The following PBX1 variants were observed in gnomAD, a reference collection of about 807,000 sequenced individuals.
PBX1 encodes the protein PBX homeobox 1, also known as pre-B-cell leukemia transcription factor 1.
A neutral mutation model predicts 53.4 loss-of-function variants in PBX1; 6 were observed. That is an observed-to-expected ratio of 0.11 (90% CI 0.06 to 0.22). PBX1 has a LOEUF of 0.22. PBX1 is among the 10% of genes least tolerant of loss of function. The pLI, the probability that PBX1 is intolerant of heterozygous loss-of-function variation, is 1.00. For missense variants in PBX1, 251 were observed against 551.4 expected (o/e 0.46, Z 5.46); for synonymous variants, 204 against 212.3 (o/e 0.96, Z 0.34).
chr1:164,810,593 C>CCTTACCTTT (rs2102342638), intron 5 of PBX1, among the ~76,000 whole-genome samples: 1 of 152,230 alleles, frequency 6.6e-6, no homozygotes, highest in South Asian at 2.1e-4. Flanking sequence ...AAAAAAATCT[C>CCTTACCTTT]CTTACCTTTT....
intron 8 of PBX1, among the ~76,000 whole-genome samples, chr1:164,842,869 GA>G (rs35938098): frequency 2.6e-5 from 4 of 151,814 alleles, no homozygotes; most frequent in Admixed American, 2.6e-4. Context: ...CTGAGGTGCA[GA>G]AAAAAAATAA....
intron 2 of PBX1, among the ~76,000 whole-genome samples, chr1:164,622,011 C>T (rs1459969578): frequency 6.6e-6 from 1 of 152,150 alleles, no homozygotes; most frequent in Non-Finnish European, 1.5e-5. Context: ...AGGTGTCAGA[C>T]AAGCTAGAGG....
intron 2 of PBX1, among the ~76,000 whole-genome samples, chr1:164,751,191 T>C (rs140629306): frequency 0.013 from 1,936 of 151,800 alleles, 23 homozygotes; most frequent in Non-Finnish European, 0.018. Context: ...GGTGCATGCC[T>C]GTAATCCCAG....
At chr1:164,618,154 A>G (rs762450503) in intron 2 of PBX1, among the ~76,000 whole-genome samples, 7 of 152,172 alleles carry the variant, frequency 4.6e-5, no homozygotes, top group Non-Finnish European at 1.0e-4. Flanking sequence ...ATAAGGTGGC[A>G]TTGTCGTAAC....
At chr1:164,844,111 CTTTCTT>C (rs1201449887) in intron 8 of PBX1, among the ~76,000 whole-genome samples, 2 of 119,932 alleles carry the variant, frequency 1.7e-5, no homozygotes, top group African/African-American at 3.3e-5. Flanking sequence ...TTCTTTCTTT[CTTTCTT>C]TTTTTTTTTT....
chr1:164,884,062 C>A (rs1357918742), intron 2 of PBX1, among the ~76,000 whole-genome samples: 1 of 152,128 alleles, frequency 6.6e-6, no homozygotes, highest in Non-Finnish European at 1.5e-5. Context: ...TGCAACTAAC[C>A]AGCTGTGTAA....
intron 2 of PBX1, among the ~76,000 whole-genome samples, chr1:164,718,672 G>A (rs1233129790): frequency 6.6e-6 from 1 of 152,160 alleles, no homozygotes; most frequent in Non-Finnish European, 1.5e-5. Flanking sequence ...CTACCGCTTC[G>A]TAAAATCAGA....
chr1:164,600,804 T>C (rs1252494891), intron 2 of PBX1, among the ~76,000 whole-genome samples: 1 of 152,194 alleles, frequency 6.6e-6, no homozygotes, highest in Non-Finnish European at 1.5e-5. Flanking sequence ...CACGTTTGCT[T>C]CTGGTCACAC....
intron 2 of PBX1, among the ~76,000 whole-genome samples, chr1:164,629,506 G>C (rs1268147215): frequency 6.6e-6 from 1 of 152,178 alleles, no homozygotes; most frequent in Admixed American, 6.6e-5. Flanking sequence ...ACTGAGTCCA[G>C]TGCACTGATT....
At chr1:164,777,389 C>T (rs893659847) in intron 2 of PBX1, among the ~76,000 whole-genome samples, 1 of 152,190 alleles carries the variant, frequency 6.6e-6, no homozygotes, top group African/African-American at 2.4e-5. Context: ...GGCCACTGCA[C>T]TCCACCCTGG....
At chr1:164,864,233 G>T (rs979504276) in intron 2 of PBX1, among the ~76,000 whole-genome samples, 2 of 152,022 alleles carry the variant, frequency 1.3e-5, no homozygotes, top group African/African-American at 4.8e-5. Context: ...ATTAACCCCA[G>T]GACCTGTTAG....
intron 2 of PBX1, among the ~76,000 whole-genome samples, chr1:164,678,304 G>T (rs1425072680): frequency 6.6e-6 from 1 of 152,164 alleles, no homozygotes; most frequent in Non-Finnish European, 1.5e-5. Flanking sequence ...GGAGCCGCCA[G>T]CCCTGTTTGT....
chr1:164,711,159 C>G (rs963628743), intron 2 of PBX1, among the ~76,000 whole-genome samples: 2 of 152,182 alleles, frequency 1.3e-5, no homozygotes, highest in South Asian at 4.1e-4. Flanking sequence ...TGGCTGCTGA[C>G]TTTGTACCAA....
chr1:164,676,152 A>G (rs1661422841), intron 2 of PBX1, among the ~76,000 whole-genome samples: 1 of 152,178 alleles, frequency 6.6e-6, no homozygotes, highest in African/African-American at 2.4e-5. Context: ...TTGTGCTTTA[A>G]CAAATTAGTC....
At chr1:164,821,797 A>G (rs910550141) in intron 8 of PBX1, among the ~76,000 whole-genome samples, 171 bp downstream of exon 8, 24 of 152,140 alleles carry the variant, frequency 1.6e-4, no homozygotes, top group Non-Finnish European at 3.4e-4. Context: ...TACCCACAAA[A>G]AAAGTGGCGA....
chr1:164,674,074 G>C (rs536200326), intron 2 of PBX1, among the ~76,000 whole-genome samples: 1 of 152,306 alleles, frequency 6.6e-6, no homozygotes, highest in East Asian at 1.9e-4. Context: ...CCAGTTCCCC[G>C]TCCAGCTGGC....
chr1:164,574,977 A>AC (rs1158683308), intron 2 of PBX1, among the ~76,000 whole-genome samples: 1 of 151,848 alleles, frequency 6.6e-6, no homozygotes, highest in Non-Finnish European at 1.5e-5. Context: ...GTGAGACTAA[A>AC]AAAAAAAAAA....
At chr1:164,880,805 A>G (rs1333764708) in intron 2 of PBX1, among the ~76,000 whole-genome samples, 4 of 152,226 alleles carry the variant, frequency 2.6e-5, no homozygotes, top group East Asian at 1.9e-4. Flanking sequence ...AGCAAAACCA[A>G]ATTAGCTCAA....
intron 8 of PBX1, among the ~76,000 whole-genome samples, chr1:164,841,175 A>G (rs1671272398): frequency 6.6e-6 from 1 of 152,202 alleles, no homozygotes; most frequent in Non-Finnish European, 1.5e-5. Flanking sequence ...GGAAGAAACA[A>G]AAAGCATGGC....
Sources: allele counts gnomAD v4.1 joint callset (sites outside exome capture counted in the v4.1 genomes callset), GRCh38; gene constraint gnomAD v4.1.1; transcripts MANE v1.5; gene names NCBI Gene and HGNC (gene_info 2026-07-23, HGNC 2026-07-21).